The following MYH7 variants were observed in gnomAD, a reference collection of about 807,000 sequenced individuals.
The protein encoded by MYH7 is myosin heavy chain 7.
MYH7 carries 129 observed loss-of-function variants against 225.4 expected under a neutral mutation model. The observed-to-expected ratio is 0.57, with a 90% CI of 0.50 to 0.66. MYH7 has a LOEUF of 0.66. Among genes scored for constraint, MYH7 ranks in the 30% least tolerant of loss-of-function variants. The pLI, the probability that MYH7 is intolerant of heterozygous loss-of-function variation, is 0.00. For missense variants in MYH7, 1,649 were observed against 2,517.0 expected (o/e 0.66, Z 7.38); for synonymous variants, 971 against 1,007.6 (o/e 0.96, Z 0.69).
chr14:23,423,441 ACAC>A, intron 24 of MYH7, 103 bp downstream of exon 24: 1 of 367,804 alleles, frequency 2.7e-6, no homozygotes, highest in Non-Finnish European at 3.8e-6. Flanking sequence ...ACACAAACAC[ACAC>A]ACACACACAC....
In MYH7 at chr14:23,433,791, C is replaced by T; in HGVS notation, c.-8-51G>A. 2 of 1,575,918 alleles carry T rather than the reference C, an allele frequency of 1.3e-6. No individual in the cohort carries two copies. The highest frequency in any genetic ancestry group is 1.1e-5 in the South Asian group (1 of 89,738). ...CTCCCATCTGCCCATTCTTCCCTTC[C>T]CTCCCTGGGCTCTCCCCTTCAGTGG... On this transcript the variant is annotated intron_variant, in intron 2 of 39. Transcript: ENST00000355349. This position sits in a 1 kb window ranked among gnomAD's most constrained non-coding sequence, Gnocchi z 4.1.
Position 23,423,670 on chromosome 14 carries a change from C to T in MYH7, c.2976G>A (p.Leu992=), listed in dbSNP as rs368728770. 15 of 1,614,118 alleles carry T rather than the reference C, an allele frequency of 9.3e-6. No homozygotes were observed. Among genetic ancestry groups the T allele is most frequent in the Non-Finnish European group, 1.3e-5 (15 of 1,180,026 alleles). ...CTTGCAGAGCTTTCTTCTCCTTGGT[C>T]AGCTTGGCAATGATCTCATCCAGCC... The part of the protein sequence containing the change: ...MAGLDEIIAK[L]TKEKKALQEA... Residue 992 remains leucine, a synonymous_variant, in exon 24 of 40, where the codon CTG becomes CTA. Transcript: ENST00000355349.
rs773934091 is a variant in MYH7 at position 23,430,605 on chromosome 14, G to A, written c.954C>T (p.Thr318=). ...CAGCGTCATCAATGGAGGCCACGGT[G>A]GTCTCTCCTTGGGAGATGAATGCAT... The part of the protein sequence containing the change: ...YDYAFISQGE[T]TVASIDDAEE... Residue 318 remains threonine (T), a synonymous_variant, in exon 11 of 40, where the codon ACC becomes ACT. Transcript: ENST00000355349. The A allele has an allele frequency of 6.2e-7, 1 of 1,614,106 alleles. No individual in the cohort carries two copies. Among genetic ancestry groups the A allele is most frequent in the East Asian group, 2.2e-5 (1 of 44,880 alleles).
Position 23,418,426 on chromosome 14 carries a change from A to C in MYH7, c.3973-20T>G. 1.3e-6 allele frequency: 2 copies of C among 1,595,392 alleles called. No individual in the cohort carries two copies. The highest frequency in any genetic ancestry group is 1.7e-6 in the Non-Finnish European group (2 of 1,170,146). Reference sequence around the variant, plus strand: ...CTTCGCCTGGGGAGGGGTGGGCACCAGGAGGTGGGTTCAGCTTTCTCCATA... The same window carrying C: ...CTTCGCCTGGGGAGGGGTGGGCACCCGGAGGTGGGTTCAGCTTTCTCCATA... On this transcript the variant is annotated intron_variant, in intron 29 of 39. Coordinates refer to ENST00000355349, the MANE Select transcript of MYH7 (RefSeq NM_000257.4).
intron 2 of MYH7, 55 bp downstream of exon 2, chr14:23,434,139 G>T: frequency 2.0e-6 from 2 of 1,022,048 alleles, no homozygotes; most frequent in Non-Finnish European, 2.4e-6. Flanking sequence ...TGGCTTTGGG[G>T]CTCTAATGCC....
chr14:23,417,691 C>T lies in MYH7; in HGVS notation c.4170-5G>A, dbSNP rs755468667. On this transcript the variant is annotated splice_region_variant and splice_polypyrimidine_tract_variant and intron_variant, in intron 30 of 39. Coordinates refer to ENST00000355349, the MANE Select transcript of MYH7 (RefSeq NM_000257.4). ...AGCCGCTGGGCCAGCTTCTTCCTGC[C>T]CAGGGGAGGGTGGCAGAGGGTGGGG... is the stretch of plus-strand genomic sequence containing the variant. 3 of 1,612,476 alleles carry T rather than the reference C, an allele frequency of 1.9e-6. No individual in the cohort carries two copies. The African/African-American group carries it at 4.0e-5, about 22-fold the overall frequency.
chr14:23,432,900 C>A, intron 4 of MYH7, 105 bp from the exon 5 acceptor site: 1 of 1,530,430 alleles, frequency 6.5e-7, no homozygotes, highest in African/African-American at 1.4e-5. Flanking sequence ...GAAAGGAAAA[C>A]CTCTGCATGC....
intron 18 of MYH7, among the ~76,000 whole-genome samples, chr14:23,426,396 C>T (rs893887386): frequency 1.3e-5 from 2 of 152,178 alleles, no homozygotes; most frequent in South Asian, 4.1e-4. Context: ...AGGTCTTGAA[C>T]CCAGGTCCCT....
intron 16 of MYH7, 34 bp from the exon 17 acceptor site, chr14:23,427,341 G>T (rs769432154): frequency 1.9e-6 from 3 of 1,611,126 alleles, no homozygotes; most frequent in South Asian, 1.1e-5. Flanking sequence ...AGAAGCATCA[G>T]TGTGGGGAGG....
chr14:23,418,160 T>C, intron 30 of MYH7, 50 bp downstream of exon 30: 1 of 1,612,346 alleles, frequency 6.2e-7, no homozygotes, highest in Non-Finnish European at 8.5e-7. Context: ...CTGGGCTGAG[T>C]CCTGCCTGCA....
intron 16 of MYH7, 27 bp downstream of exon 16, chr14:23,427,558 G>C: frequency 7.4e-6 from 12 of 1,612,784 alleles, no homozygotes; most frequent in Non-Finnish European, 1.0e-5. Flanking sequence ...CTGCTCCTCT[G>C]TACCGGGAGC....
chr14:23,416,985 G>A lies in MYH7; in HGVS notation c.4527C>T (p.Ile1509=). The change falls in exon 33 of 40, where the codon ATC becomes ATT. Residue 1509 remains isoleucine, a synonymous_variant. Coordinates refer to ENST00000355349, the MANE Select transcript of MYH7 (RefSeq NM_000257.4). ...AACCCAACTGCTCAGTCAAGTCGGA[G>A]ATCTCCTCTGTGTGGGGAACACGGT... ...KRENKNLQEE[I]SDLTEQLGSS... The A allele has an allele frequency of 1.2e-6, 2 of 1,614,250 alleles. No homozygotes were observed. Among genetic ancestry groups the A allele is most frequent in the Non-Finnish European group, 1.7e-6 (2 of 1,180,054 alleles).
Position 23,429,775 on chromosome 14 carries a change from C to A in MYH7, c.1138G>T (p.Glu380Ter). The change falls in exon 12 of 40, where the codon GAG (glutamate) becomes TAG (stop). Residue 380 changes from glutamate to a stop codon, truncating the protein, a stop_gained and splice_region_variant. Coordinates refer to ENST00000355349, the MANE Select transcript of MYH7 (RefSeq NM_000257.4). LOFTEE classifies it high-confidence loss of function. ...GCCCCCAAGAATCCCTGCCTCCCAC[C>A]TTCAGTGCCGTCTGGCTCCGCCTGC... ...EEQAEPDGTE[E>*]ADKSAYLMGL... 6.2e-7 allele frequency: 1 copy of A among 1,612,430 alleles called. No individual in the cohort carries two copies. Among genetic ancestry groups the A allele is most frequent in the Non-Finnish European group, 8.5e-7 (1 of 1,180,006 alleles).
In MYH7 at chr14:23,428,622, G is replaced by A. The variant is rs1186558363; in HGVS notation, c.1456C>T (p.Gln486Ter). ...LCINFTNEKL[Q>*]QFFNHHMFVL... ...AACATGTGGTGGTTGAAGAACTGCTGCAGCTTCTCGTTGGTGAAGTTGATG... is the reference window on the plus strand; with the variant it reads ...AACATGTGGTGGTTGAAGAACTGCTACAGCTTCTCGTTGGTGAAGTTGATG... Residue 486 changes from glutamine (Q) to a stop codon, truncating the protein, a stop_gained, in exon 15 of 40, where the codon CAG becomes TAG. Coordinates refer to ENST00000355349, the MANE Select transcript of MYH7 (RefSeq NM_000257.4). LOFTEE classifies it high-confidence loss of function. 2 of 1,614,096 alleles carry A rather than the reference G, an allele frequency of 1.2e-6. No individual in the cohort carries two copies. Among genetic ancestry groups the A allele is most frequent in the Non-Finnish European group, 1.7e-6 (2 of 1,180,038 alleles).
In MYH7 at chr14:23,412,867, A is replaced by G; in HGVS notation, c.5795T>C (p.Leu1932Ser). ...AKSRDIGTKG[L>S]NEE is the part of the protein sequence containing the mutation. ...GATGTGGCAAAGCTACTCCTCATTC[A>G]AGCCCTTTTGAAAGGAAACAAAGTC... The change falls in exon 40 of 40, where the codon TTG (leucine) becomes TCG (serine). Residue 1932 changes from leucine to serine, a missense_variant. Leu to Ser is a moderately radical substitution (Grantham distance 145, BLOSUM62 -2). Transcript: ENST00000355349. 1 of 1,614,050 alleles carries G rather than the reference A, an allele frequency of 6.2e-7. No homozygotes were observed. The highest frequency in any genetic ancestry group is 2.2e-5 in the East Asian group (1 of 44,886).
At chr14:23,422,444 A>G (rs575613292) in intron 24 of MYH7, 119 bp from the exon 25 acceptor site, 1 of 1,359,662 alleles carries the variant, frequency 7.4e-7, no homozygotes, top group Admixed American at 1.9e-5. Context: ...AACCTTCCCC[A>G]GAGTGGGCCA....
At chr14:23,422,053 C>T in intron 25 of MYH7, 127 bp downstream of exon 25, 2 of 1,452,228 alleles carry the variant, frequency 1.4e-6, no homozygotes, top group East Asian at 2.3e-5. Context: ...GAGGCCTTTT[C>T]CCATGGTTTG....
intron 15 of MYH7, among the ~76,000 whole-genome samples, 166 bp from the exon 16 acceptor site, chr14:23,428,060 G>A (rs1463898457): frequency 6.6e-6 from 1 of 152,176 alleles, no homozygotes; most frequent in East Asian, 1.9e-4. Context: ...TCAAGGTGGA[G>A]GATTTTGTCT....
chr14:23,417,263 G>A lies in MYH7; in HGVS notation c.4409C>T (p.Ser1470Leu), dbSNP rs1468116782. 3.1e-6 allele frequency: 5 copies of A among 1,614,172 alleles called. No individual in the cohort carries two copies. The highest frequency in any genetic ancestry group is 4.2e-6 in the Non-Finnish European group (5 of 1,180,022). Residue 1470 changes from serine to leucine, a missense_variant, in exon 32 of 40, where the codon TCG becomes TTG. By Grantham distance (145) the Ser-to-Leu change is moderately radical. Coordinates refer to ENST00000355349, the MANE Select transcript of MYH7 (RefSeq NM_000257.4). ...GCTGAGGGAGCGAGCCTCCTTCTGCGAGGACTCCAGCTCCGACTGCGACTC... is the reference window on the plus strand; with the variant it reads ...GCTGAGGGAGCGAGCCTCCTTCTGCAAGGACTCCAGCTCCGACTGCGACTC... Reference protein sequence around the residue: ...YEESQSELESSQKEARSLSTE... With the variant: ...YEESQSELESLQKEARSLSTE...
Sources: allele counts gnomAD v4.1 joint callset (sites outside exome capture counted in the v4.1 genomes callset), GRCh38; gene constraint gnomAD v4.1.1; non-coding constraint Gnocchi (gnomAD v3.1); transcripts MANE v1.5; gene names NCBI Gene and HGNC (gene_info 2026-07-23, HGNC 2026-07-21).